The following TNRC18 variants were observed in gnomAD, a reference collection of about 807,000 sequenced individuals.
TNRC18 encodes trinucleotide repeat-containing gene 18 protein.
A neutral mutation model predicts 226.7 loss-of-function variants in TNRC18; 69 were observed. The ratio of observed to expected loss-of-function variants is 0.30; its 90% CI spans 0.25 to 0.37. The LOEUF (loss-of-function observed/expected upper bound fraction) is 0.37, where lower values mean the gene tolerates loss of function less well. Among genes scored for constraint, TNRC18 ranks in the 10% least tolerant of loss-of-function variants. The pLI, the probability that TNRC18 is intolerant of heterozygous loss-of-function variation, is 1.00. For missense variants in TNRC18, 4,754 were observed against 4,256.6 expected (o/e 1.12, Z -3.25); for synonymous variants, 2,449 against 1,927.6 (o/e 1.27, Z -7.09).
chr7:5,388,841 G>A lies in TNRC18; in HGVS notation c.983C>T (p.Pro328Leu). Residue 328 changes from proline (P) to leucine (L), a missense_variant, in exon 5 of 30, where the codon CCG (proline) becomes CTG (leucine). By Grantham distance (98) the Pro-to-Leu change is moderately conservative. Transcript: ENST00000430969. ...GGGCAGCGGTGAGGGGCAGGGGCGC[G>A]GCCCAGGGAGCAGGGTCTCCGTGCG... ...LRRTETLLPGPRPCPSPLPPP... is the reference protein window; with the variant it reads ...LRRTETLLPGLRPCPSPLPPP... 3 of 1,221,858 alleles carry A rather than the reference G, an allele frequency of 2.5e-6. No individual in the cohort carries two copies. The highest frequency in any genetic ancestry group is 3.1e-6 in the Non-Finnish European group (3 of 978,096). 75.7% of individuals were successfully genotyped at this position (1,221,858 alleles called of 1,614,324 possible). A position where few individuals can be genotyped will look rare whatever the true frequency, so the allele number is the denominator to read the frequency against.
chr7:5,403,348 CG>C (rs1412791586), intron 2 of TNRC18, among the ~76,000 whole-genome samples: 4 of 152,046 alleles, frequency 2.6e-5, no homozygotes, highest in Non-Finnish European at 4.4e-5. Flanking sequence ...TTAGTAGAGA[CG>C]GGGTTTCTCC....
chr7:5,332,924 C>T lies in TNRC18; in HGVS notation c.5845G>A (p.Gly1949Ser). 6.5e-7 allele frequency: 1 copy of T among 1,542,850 alleles called. No individual in the cohort carries two copies. The highest frequency in any genetic ancestry group is 8.7e-7 in the Non-Finnish European group (1 of 1,151,604). ...CTGCTGGGGTCGGGACCGCGGGCGC[C>T]AGGCGTGGGTGCGGCCAGGGAGGGT... The part of the protein sequence containing the change: ...PGPSLAAPTP[G>S]ARGPDPSSPD... Residue 1949 changes from glycine to serine, a missense_variant, in exon 19 of 30, where the codon GGC (glycine) becomes AGC (serine). Physicochemically the swap from Gly to Ser is moderately conservative, Grantham distance 56. Transcript: ENST00000430969.
chr7:5,390,997 G>A (rs1780256061), intron 3 of TNRC18, among the ~76,000 whole-genome samples: 3 of 152,250 alleles, frequency 2.0e-5, no homozygotes, highest in Admixed American at 6.6e-5. Context: ...CTTTAAAGAC[G>A]AGAAAACTCA....
At chr7:5,347,040 G>A (rs1285460178) in intron 17 of TNRC18, among the ~76,000 whole-genome samples, 1 of 151,778 alleles carries the variant, frequency 6.6e-6, no homozygotes, top group Non-Finnish European at 1.5e-5. Flanking sequence ...AGAGCTGGCA[G>A]ACTGTCTAAA....
intron 1 of TNRC18, among the ~76,000 whole-genome samples, chr7:5,422,469 T>C (rs1416928212): frequency 6.6e-6 from 1 of 152,182 alleles, no homozygotes; most frequent in African/African-American, 2.4e-5. Flanking sequence ...GATTTGTCCT[T>C]TGCCGATTCT....
intron 18 of TNRC18, 140 bp downstream of exon 18, chr7:5,345,422 C>T (rs1791072977): frequency 6.0e-6 from 5 of 830,938 alleles, no homozygotes; most frequent in Admixed American, 5.7e-5. Flanking sequence ...CAGCACGGGG[C>T]TGGCCCACGA....
rs1283978894 is a variant in TNRC18 at position 5,332,754 on chromosome 7, G to A, written c.6015C>T (p.His2005=). 2 of 1,520,708 alleles carry A rather than the reference G, an allele frequency of 1.3e-6. No homozygotes were observed. The highest frequency in any genetic ancestry group is 1.2e-5 in the South Asian group (1 of 82,814). The allele number at this position is 1,520,708 out of a possible 1,614,324, so 94.2% of individuals were successfully genotyped here. Residue 2005 remains histidine (H), a synonymous_variant, in exon 19 of 30, where the codon CAC becomes CAT. Transcript: ENST00000430969. ...GCGCAGGTGCAGCAGCCGAGGCGTC[G>A]TGCAGGAAGATGCGCTCGCTGCGGC... ...TRRRSERIFL[H]DASAAAPAPV... is the part of the protein sequence containing the mutation.
At chr7:5,341,488 G>A (rs528420117) in intron 18 of TNRC18, among the ~76,000 whole-genome samples, 2 of 151,538 alleles carry the variant, frequency 1.3e-5, no homozygotes, top group East Asian at 1.9e-4. Flanking sequence ...AGCAGACCAG[G>A]TGTGGTGGCT....
At position 5,351,811 on chromosome 7, in the gene TNRC18, C is replaced by T. The variant is rs1459861742; in HGVS notation, c.5470+8G>A. The T allele has an allele frequency of 1.3e-6, 2 of 1,572,770 alleles. No homozygotes were observed. Among genetic ancestry groups the T allele is most frequent in the African/African-American group, 1.4e-5 (1 of 72,976 alleles). On this transcript the variant is annotated splice_region_variant and intron_variant, in intron 17 of 29. Transcript: ENST00000430969. ...CACGGAAGGTATTTTGTGTTTGGAG[C>T]TAGTAACCTTGGTCAAACGATTCCT...
chr7:5,308,646 G>A (rs550834537), intron 29 of TNRC18, among the ~76,000 whole-genome samples: 1 of 152,278 alleles, frequency 6.6e-6, no homozygotes, highest in African/African-American at 2.4e-5. Context: ...AGAATGGCCA[G>A]AGACTCAGAG....
Position 5,374,167 on chromosome 7 carries a change from T to C in TNRC18, c.3117A>G (p.Pro1039=). The C allele has an allele frequency of 9.3e-6, 4 of 432,262 alleles. No homozygotes were observed. The highest frequency in any genetic ancestry group is 1.1e-5 in the Non-Finnish European group (4 of 376,018). The allele number at this position is 432,262 out of a possible 1,614,324, so 26.8% of individuals were successfully genotyped here. Residue 1039 remains proline (P), a synonymous_variant, in exon 10 of 30, where the codon CCA becomes CCG. Coordinates refer to ENST00000430969, the MANE Select transcript of TNRC18 (RefSeq NM_001080495.3). ...SHPTSPPPAS[P]PPTPGITRKE... is the part of the protein sequence containing the mutation. The stretch of plus-strand genomic sequence containing the variant: ...TGCGGGTGATACCCGGGGTGGGCGG[T>C]GGGGAGGCGGGCGGCGGGCTGGTGG...
At chr7:5,320,745 G>A (rs190790304) in intron 22 of TNRC18, 138 bp from the exon 23 acceptor site, 209 of 735,146 alleles carry the variant, frequency 2.8e-4, no homozygotes, top group Non-Finnish European at 2.9e-4. Context: ...TGCTGAATTT[G>A]GGAATTCTCC....
intron 2 of TNRC18, among the ~76,000 whole-genome samples, chr7:5,416,559 A>C (rs1327189764): frequency 6.6e-6 from 1 of 151,700 alleles, no homozygotes; most frequent in East Asian, 2.0e-4. Context: ...GTCTCTACAG[A>C]AAATTTTAAA....
At chr7:5,396,219 G>T (rs375682266) in intron 2 of TNRC18, among the ~76,000 whole-genome samples, 1 of 151,392 alleles carries the variant, frequency 6.6e-6, no homozygotes, top group East Asian at 1.9e-4. Context: ...GTGGTGGCAG[G>T]CACCTGTAAT....
At position 5,388,891 on chromosome 7, in the gene TNRC18, C is replaced by A. The variant is rs1284540440; in HGVS notation, c.933G>T (p.Gln311His). The change falls in exon 5 of 30, where the codon CAG (glutamine) becomes CAT (histidine). Residue 311 changes from glutamine (Q) to histidine (H), a missense_variant. Transcript: ENST00000430969. ...GRGGAKEAAR[Q>H]DEGARLLRRT... Reference sequence around the variant, plus strand: ...GCCGCAGCAGCCGCGCGCCCTCGTCCTGCCGGGCAGCCTCCTTGGCACCCC... The same window carrying A: ...GCCGCAGCAGCCGCGCGCCCTCGTCATGCCGGGCAGCCTCCTTGGCACCCC... 6.7e-6 allele frequency: 9 copies of A among 1,353,246 alleles called. No homozygotes were observed. The highest frequency in any genetic ancestry group is 1.6e-5 in the African/African-American group (1 of 63,090). The allele number at this position is 1,353,246 out of a possible 1,614,324, so 83.8% of individuals were successfully genotyped here.
Position 5,362,812 on chromosome 7 carries a change from G to A in TNRC18, c.4233C>T (p.Ala1411=), listed in dbSNP as rs1793203236. The part of the protein sequence containing the change: ...RSQEMGGAER[A]LVARPSLESL... The stretch of plus-strand genomic sequence containing the variant: ...TCTCCAGGGAGGGCCGCGCCACCAG[G>A]GCCCGCTCCGCACCTGTGGACAGGA... Residue 1411 remains alanine (A), a synonymous_variant, in exon 12 of 30, where the codon GCC becomes GCT. Coordinates refer to ENST00000430969, the MANE Select transcript of TNRC18 (RefSeq NM_001080495.3). 6.4e-7 allele frequency: 1 copy of A among 1,553,298 alleles called. No homozygotes were observed.
In TNRC18 at chr7:5,387,829, C is replaced by T. The variant is rs778774371; in HGVS notation, c.1995G>A (p.Gly665=). The change falls in exon 5 of 30, where the codon GGG becomes GGA. Residue 665 remains glycine, a synonymous_variant. Transcript: ENST00000430969. ...CACCCTGGGCACCAGAGCCCTCGCG[C>T]CCGAAAGCTTTGGCGCTCTCGGGCC... ...PERPESAKAF[G]REGSGAQGEA... is the part of the protein sequence containing the mutation. 1 of 1,606,682 alleles carries T rather than the reference C, an allele frequency of 6.2e-7. No individual in the cohort carries two copies. Among genetic ancestry groups the T allele is most frequent in the Non-Finnish European group, 8.5e-7 (1 of 1,179,386 alleles).
rs773445991 is a variant in TNRC18 at position 5,352,091 on chromosome 7, G to C, written c.5198C>G (p.Thr1733Arg). The change falls in exon 17 of 30, where the codon ACG (threonine) becomes AGG (arginine). Residue 1733 changes from threonine (T) to arginine (R), a missense_variant. Thr to Arg is a moderately conservative substitution (Grantham distance 71). Transcript: ENST00000430969. ...GAATTCTTCGTCTTCCTCTGAGTCCGTATCTGCAGTCAAAGTAGTTTTTAA... is the reference window on the plus strand; with the variant it reads ...GAATTCTTCGTCTTCCTCTGAGTCCCTATCTGCAGTCAAAGTAGTTTTTAA... ...ASEVSSYSYN[T>R]DSEEDEEFLK... The C allele has an allele frequency of 1.3e-5, 20 of 1,598,468 alleles. No individual in the cohort carries two copies. The highest frequency in any genetic ancestry group is 1.6e-5 in the Non-Finnish European group (19 of 1,171,974).
chr7:5,345,517 G>GTCTCCC, intron 18 of TNRC18, 45 bp downstream of exon 18: 2 of 377,744 alleles, frequency 5.3e-6, no homozygotes, highest in South Asian at 8.8e-5. Flanking sequence ...AATGGCGTCC[G>GTCTCCC]CCCCTCCCAC....
Sources: allele counts gnomAD v4.1 joint callset (sites outside exome capture counted in the v4.1 genomes callset), GRCh38; gene constraint gnomAD v4.1.1; transcripts MANE v1.5; gene names NCBI Gene and HGNC (gene_info 2026-07-23, HGNC 2026-07-21).